Variants in NBAS observed in about 807,000 individuals in gnomAD.
NBAS encodes the protein NAG/BC035112 fusion.
A neutral mutation model predicts 302.5 loss-of-function variants in NBAS; 219 were observed. The ratio of observed to expected loss-of-function variants is 0.72; its 90% CI spans 0.65 to 0.81. NBAS has a LOEUF of 0.81. Among genes scored for constraint, NBAS ranks in the 30% least tolerant of loss-of-function variants. The probability of loss-of-function intolerance (pLI) is 0.00; values close to 1 mark genes in which losing one functional copy is unlikely to be tolerated. For synonymous variants in NBAS, 1,118 were observed against 1,021.6 expected (o/e 1.09, Z -1.80); for missense variants, 2,932 against 2,841.6 (o/e 1.03, Z -0.72).
At chr2:15,493,026 T>G (rs1468934336) in intron 11 of NBAS, among the ~76,000 whole-genome samples, 1 of 152,182 alleles carries the variant, frequency 6.6e-6, no homozygotes, top group East Asian at 1.9e-4. Context: ...GGGAGGTGAC[T>G]GGATCATGGG....
the NBAS span, among the ~76,000 whole-genome samples, chr2:15,044,415 G>A: frequency 6.6e-6 from 1 of 152,184 alleles, no homozygotes; most frequent in East Asian, 1.9e-4. Context: ...ACACACAGAA[G>A]AATGAACAGC....
intron 42 of NBAS, among the ~76,000 whole-genome samples, chr2:15,280,592 A>T (rs1669780142): frequency 6.6e-6 from 1 of 152,196 alleles, no homozygotes. Context: ...ATGGAGACTG[A>T]TTCTGAGTTG....
At chr2:14,875,824 G>C in the NBAS span, among the ~76,000 whole-genome samples, 6,009 of 152,196 alleles carry the variant, frequency 0.039, 152 homozygotes, top group Non-Finnish European at 0.052. Context: ...CCATGTAAAG[G>C]CAAACTACTT....
chr2:15,286,381 CT>C (rs1396395367), intron 42 of NBAS, among the ~76,000 whole-genome samples: 1 of 152,136 alleles, frequency 6.6e-6, no homozygotes, highest in Non-Finnish European at 1.5e-5. Flanking sequence ...CTTAACTAAC[CT>C]TCTATTATCC....
At chr2:15,259,149 A>G (rs1175085248) in intron 44 of NBAS, among the ~76,000 whole-genome samples, 1 of 152,218 alleles carries the variant, frequency 6.6e-6, no homozygotes, top group Non-Finnish European at 1.5e-5. Context: ...AGATTTTTTA[A>G]AAAAACCCTT....
chr2:15,086,990 C>T, the NBAS span, among the ~76,000 whole-genome samples: 12 of 152,174 alleles, frequency 7.9e-5, no homozygotes, highest in African/African-American at 2.9e-4. Flanking sequence ...CGCACACACA[C>T]ACCACACCCC....
At chr2:15,067,743 C>T in the NBAS span, among the ~76,000 whole-genome samples, 6 of 152,092 alleles carry the variant, frequency 3.9e-5, no homozygotes, top group African/African-American at 1.4e-4. Flanking sequence ...GTTTAGAGAT[C>T]TGCTGTCCAA....
the NBAS span, among the ~76,000 whole-genome samples, chr2:15,031,784 A>C: frequency 6.6e-6 from 1 of 152,246 alleles, no homozygotes; most frequent in Non-Finnish European, 1.5e-5. Flanking sequence ...GCACTGGGCG[A>C]GCAAGTGTGT....
At chr2:14,781,254 C>T in the NBAS span, among the ~76,000 whole-genome samples, 28 of 152,150 alleles carry the variant, frequency 1.8e-4, no homozygotes, top group Admixed American at 1.8e-3. Context: ...ACTCTGTCTC[C>T]GTAGTGCCTT....
At chr2:15,072,450 T>TTG in the NBAS span, among the ~76,000 whole-genome samples, 32 of 152,314 alleles carry the variant, frequency 2.1e-4, no homozygotes, top group African/African-American at 6.3e-4. Context: ...AATTTCGCAT[T>TTG]TCTTTTGAAT....
the NBAS span, among the ~76,000 whole-genome samples, chr2:14,911,595 T>C: frequency 6.6e-6 from 1 of 152,174 alleles, no homozygotes; most frequent in African/African-American, 2.4e-5. Context: ...CTCCGAGACA[T>C]GGTTTCTTCT....
At chr2:15,074,159 T>C in the NBAS span, among the ~76,000 whole-genome samples, 32 of 152,260 alleles carry the variant, frequency 2.1e-4, no homozygotes, top group African/African-American at 6.3e-4. Flanking sequence ...CAAGTCCATA[T>C]GAAAATTTAA....
the NBAS span, among the ~76,000 whole-genome samples, chr2:14,924,327 G>A: frequency 1.3e-5 from 2 of 152,168 alleles, no homozygotes; most frequent in African/African-American, 2.4e-5. Context: ...GGACTAGTTG[G>A]TGCTCATTTG....
the NBAS span, among the ~76,000 whole-genome samples, chr2:14,809,238 A>T: frequency 6.6e-6 from 1 of 152,246 alleles, no homozygotes; most frequent in Non-Finnish European, 1.5e-5. Context: ...GTTAATCTCC[A>T]AGACAATGGG....
the NBAS span, among the ~76,000 whole-genome samples, chr2:14,832,839 T>G: frequency 6.6e-6 from 1 of 152,298 alleles, no homozygotes; most frequent in African/African-American, 2.4e-5. Flanking sequence ...TGCTCCCCAT[T>G]TGTGACAAGC....
chr2:14,798,704 CTA>C, the NBAS span, among the ~76,000 whole-genome samples: 1 of 151,910 alleles, frequency 6.6e-6, no homozygotes, highest in African/African-American at 2.4e-5. Flanking sequence ...CATCTGGAGT[CTA>C]GTTTTCTTTG....
intron 9 of NBAS, among the ~76,000 whole-genome samples, chr2:15,517,139 T>A (rs722327): frequency 0.64 from 96,737 of 151,756 alleles, 31,556 homozygotes; most frequent in Non-Finnish European, 0.68. Flanking sequence ...TTGTTTTGTT[T>A]TTTAGGTTTT....
chr2:15,078,797 C>T, the NBAS span, among the ~76,000 whole-genome samples: 9 of 152,152 alleles, frequency 5.9e-5, no homozygotes, highest in Admixed American at 1.3e-4. Context: ...ACACAGATGA[C>T]GACTTTTATC....
At chr2:15,561,099 T>A in intron 1 of NBAS, 89 bp downstream of exon 1, 21 of 819,588 alleles carry the variant, frequency 2.6e-5, no homozygotes, top group East Asian at 9.4e-5. Flanking sequence ...CCCACCCGTC[T>A]CCACTCCCCT....
Sources: gnomAD v4.1 joint callset for allele counts (sites outside exome capture counted in the v4.1 genomes callset) on GRCh38, gnomAD v4.1.1 for gene constraint, MANE v1.5 for transcripts, NCBI Gene and HGNC (gene_info 2026-07-23, HGNC 2026-07-21) for gene names.